Variants in C3orf20 observed in about 807,000 individuals in gnomAD.
C3orf20 encodes uncharacterized protein C3orf20.
Under a neutral mutation model 88.3 loss-of-function variants are expected in C3orf20, and 76 were observed. That is an observed-to-expected ratio of 0.86 (90% CI 0.72 to 1.04). C3orf20 has a LOEUF of 1.04. Among genes scored for constraint, C3orf20 ranks in the 50% least tolerant of loss-of-function variants. The pLI is 0.00. For synonymous variants in C3orf20, 436 were observed against 437.4 expected, an observed-to-expected ratio of 1.00 and a Z score of 0.04; for missense variants, 1,056 against 1,123.3, an observed-to-expected ratio of 0.94 and a Z score of 0.86.
intron 7 of C3orf20, among the ~76,000 whole-genome samples, chr3:14,704,953 AT>A (rs1488071936): frequency 2.0e-5 from 3 of 152,340 alleles, no homozygotes; most frequent in Admixed American, 1.3e-4. Context: ...AAAACAAATC[AT>A]GTCTAGTGGA....
intron 7 of C3orf20, among the ~76,000 whole-genome samples, chr3:14,706,112 C>G (rs561033293): frequency 6.6e-6 from 1 of 152,160 alleles, no homozygotes; most frequent in Non-Finnish European, 1.5e-5. Context: ...GCTAAGCCCC[C>G]CAACCAGGCT....
At chr3:14,764,507 A>ATTATTATTATTGTTG (rs1286567408) in intron 15 of C3orf20, among the ~76,000 whole-genome samples, 127 of 132,836 alleles carry the variant, frequency 9.6e-4, no homozygotes, top group African/African-American at 3.6e-3. Flanking sequence ...TATTATTATT[A>ATTATTATTATTGTTG]TTGTTGTTGT....
At position 14,768,488 on chromosome 3, in the gene C3orf20, G is replaced by A. The variant is rs1329789476; in HGVS notation, c.2496-3579G>A. On this transcript the variant is annotated intron_variant, in intron 15 of 16. Transcript: ENST00000253697. The surrounding 1 kb of genome is among the most constrained non-coding windows in gnomAD (Gnocchi z 4.1). ...TCCTGACTTGATCCTACAGGCAATG[G>A]GGAGCTAATGAAGGTTCTTGAGCTG... Among the ~76,000 whole-genome samples, 1 of 152,032 alleles carries A rather than the reference G, an allele frequency of 6.6e-6. No homozygotes were observed. Among genetic ancestry groups the A allele is most frequent in the African/African-American group, 2.4e-5 (1 of 41,308 alleles).
At chr3:14,733,965 G>A (rs973432908) in intron 12 of C3orf20, among the ~76,000 whole-genome samples, 1 of 152,164 alleles carries the variant, frequency 6.6e-6, no homozygotes, top group Admixed American at 6.5e-5. Flanking sequence ...GGGATTATAG[G>A]CGTGAGCCAC....
intron 15 of C3orf20, among the ~76,000 whole-genome samples, chr3:14,771,141 G>A (rs2035849141): frequency 1.3e-5 from 2 of 152,190 alleles, no homozygotes; most frequent in Admixed American, 1.3e-4. Context: ...CCTTATAAAA[G>A]GCTCCAGAAG....
At chr3:14,726,019 CTG>C (rs1293841869) in intron 10 of C3orf20, among the ~76,000 whole-genome samples, 1 of 152,184 alleles carries the variant, frequency 6.6e-6, no homozygotes, top group African/African-American at 2.4e-5. Flanking sequence ...CCTCTGGAAA[CTG>C]GGCCTGATTT....
At chr3:14,691,898 A>G (rs1222875198) in intron 5 of C3orf20, among the ~76,000 whole-genome samples, 1 of 151,962 alleles carries the variant, frequency 6.6e-6, no homozygotes, top group African/African-American at 2.4e-5. Flanking sequence ...TCCCCACTCC[A>G]CACTACCCTT....
rs1450050810 is a variant in C3orf20 at position 14,715,398 on chromosome 3, C to T, written c.1423C>T (p.Leu475=). The change falls in exon 9 of 17, where the codon CTG becomes TTG. Residue 475 remains leucine (L), a synonymous_variant. Transcript: ENST00000253697. ...WTSRTETLLS[L]EYKVNEEMKL... ...TTCCAGGACAGAGACCCTGCTTTCC[C>T]TGGAATACAAGGTAGGGATGGGCAG... The T allele has an allele frequency of 1.1e-5, 17 of 1,611,462 alleles. No individual in the cohort carries two copies. Among genetic ancestry groups the T allele is most frequent in the African/African-American group, 1.3e-5 (1 of 74,870 alleles).
chr3:14,704,687 C>T, intron 7 of C3orf20, 69 bp downstream of exon 7: 2 of 1,560,922 alleles, frequency 1.3e-6, no homozygotes, highest in Non-Finnish European at 1.7e-6. Flanking sequence ...GGACTTGATA[C>T]AGCCTAAATG....
intron 4 of C3orf20, among the ~76,000 whole-genome samples, chr3:14,686,630 T>A (rs1360468253): frequency 6.6e-6 from 1 of 152,236 alleles, no homozygotes; most frequent in Non-Finnish European, 1.5e-5. Context: ...CATTTGTGTC[T>A]CTTCTTTTGA....
At chr3:14,730,648 C>G (rs1039740961) in intron 12 of C3orf20, among the ~76,000 whole-genome samples, 3 of 152,186 alleles carry the variant, frequency 2.0e-5, no homozygotes, top group Non-Finnish European at 4.4e-5. Context: ...AACTGTGCTA[C>G]TATTGATTGG....
chr3:14,750,554 TAA>T (rs3038830), intron 12 of C3orf20, among the ~76,000 whole-genome samples: 4,824 of 142,408 alleles, frequency 0.034, 215 homozygotes, highest in African/African-American at 0.11. Flanking sequence ...GACCCTGTCT[TAA>T]AAAAAAAAAA....
intron 11 of C3orf20, among the ~76,000 whole-genome samples, chr3:14,727,297 T>C (rs898405385): frequency 2.0e-5 from 3 of 152,168 alleles, no homozygotes; most frequent in Non-Finnish European, 4.4e-5. Context: ...CATGAGATTG[T>C]CTTATTTTCC....
At chr3:14,755,447 A>G (rs901353374) in intron 12 of C3orf20, among the ~76,000 whole-genome samples, 7 of 152,082 alleles carry the variant, frequency 4.6e-5, no homozygotes, top group Non-Finnish European at 5.9e-5. Flanking sequence ...TAAACCTTTG[A>G]TTATTTTGAA....
At chr3:14,720,944 C>CTGAT (rs2034134340) in intron 9 of C3orf20, among the ~76,000 whole-genome samples, 2 of 152,192 alleles carry the variant, frequency 1.3e-5, no homozygotes. Context: ...AACTGGGACT[C>CTGAT]ACCCGTAGAC....
At chr3:14,757,193 G>A (rs2035398670) in intron 12 of C3orf20, among the ~76,000 whole-genome samples, 178 bp from the exon 13 acceptor site, 1 of 152,226 alleles carries the variant, frequency 6.6e-6, no homozygotes, top group Admixed American at 6.5e-5. Flanking sequence ...TTGCACTGTG[G>A]AAAGAGGCCC....
intron 6 of C3orf20, 150 bp from the exon 7 acceptor site, chr3:14,704,187 T>G: frequency 1.3e-6 from 1 of 792,604 alleles, no homozygotes; most frequent in African/African-American, 1.7e-5. Flanking sequence ...AAAATTACCT[T>G]TATGGACGAG....
At chr3:14,698,151 C>T (rs2033092705) in intron 5 of C3orf20, among the ~76,000 whole-genome samples, 1 of 152,308 alleles carries the variant, frequency 6.6e-6, no homozygotes, top group Non-Finnish European at 1.5e-5. Flanking sequence ...TCAATCTCTT[C>T]GTTAAATGAT....
At position 14,733,435 on chromosome 3, in the gene C3orf20, A is replaced by G. The variant is rs75182327; in HGVS notation, c.1940+4747A>G. On this transcript the variant is annotated intron_variant, in intron 12 of 16. Coordinates refer to ENST00000253697, the MANE Select transcript of C3orf20 (RefSeq NM_032137.5). Reference sequence around the variant, plus strand: ...ATAATTTTTCCTTTCTTGCCATGTTATGGTCAGAAGTATTTCTTCTTTATC... The same window carrying G: ...ATAATTTTTCCTTTCTTGCCATGTTGTGGTCAGAAGTATTTCTTCTTTATC... Among the ~76,000 whole-genome samples the G allele has an allele frequency of 2.4e-4, 36 of 152,216 alleles. No individual in the cohort carries two copies. The East Asian group carries it at 2.5e-3, about 11-fold the overall frequency.
Sources: gnomAD v4.1 joint callset for allele counts (sites outside exome capture counted in the v4.1 genomes callset) on GRCh38, gnomAD v4.1.1 for gene constraint, Gnocchi (gnomAD v3.1) non-coding constraint, MANE v1.5 for transcripts, NCBI Gene and HGNC (gene_info 2026-07-23, HGNC 2026-07-21) for gene names.